PKIB: variants seen among roughly 807,000 people sequenced by gnomAD.
PKIB encodes the protein PKI-beta.
Under a neutral mutation model 4.5 loss-of-function variants are expected in PKIB, and 2 were observed. The observed-to-expected ratio is 0.44, with a 90% CI of 0.18 to 1.39. PKIB has a LOEUF of 1.39. Among genes scored for constraint, PKIB ranks in the 40% most tolerant of loss-of-function variants. The pLI is 0.27. For missense variants in PKIB, 94 were observed against 92.6 expected, an observed-to-expected ratio of 1.02 and a Z score of -0.06; for synonymous variants, 38 against 36.0, an observed-to-expected ratio of 1.06 and a Z score of -0.20.
chr6:122,662,308 C>CTTTATTTTTTTTTTT (rs1777030847), intron 2 of PKIB, among the ~76,000 whole-genome samples: 1 of 13,252 alleles, frequency 7.5e-5, no homozygotes, highest in Non-Finnish European at 1.5e-4. Flanking sequence ...TCCTTGTCTC[C>CTTTATTTTTTTTTTT]TTTTTTTTTT....
chr6:122,651,088 T>C (rs1214447677), intron 2 of PKIB, among the ~76,000 whole-genome samples: 3 of 152,132 alleles, frequency 2.0e-5, no homozygotes, highest in Non-Finnish European at 4.4e-5. Flanking sequence ...ACAAGCCAAA[T>C]AGACGAGTGA....
At chr6:122,548,555 T>C (rs1483886694) in intron 2 of PKIB, among the ~76,000 whole-genome samples, 1 of 152,214 alleles carries the variant, frequency 6.6e-6, no homozygotes, top group Non-Finnish European at 1.5e-5. Context: ...AGATCACATG[T>C]AGATATTATT....
intron 4 of PKIB, among the ~76,000 whole-genome samples, chr6:122,721,501 G>T (rs1007549807): frequency 3.3e-5 from 5 of 152,046 alleles, no homozygotes; most frequent in African/African-American, 1.2e-4. Context: ...TCTAAAAATA[G>T]AACATACAAC....
chr6:122,723,990 T>C lies in PKIB; in HGVS notation c.170-1138T>C, dbSNP rs1340156771. On this transcript the variant is annotated intron_variant, in intron 4 of 4. Coordinates refer to ENST00000368452, the MANE Select transcript of PKIB (RefSeq NM_181795.3). ...TTGTACGTAGTACATGCTTAATAAA[T>C]ATTTGATGAATGAGAGTTGAAGAAC... Among the ~76,000 whole-genome samples, 5 of 152,236 alleles carry C rather than the reference T, an allele frequency of 3.3e-5. No homozygotes were observed. The South Asian group carries it at 1.0e-3, about 31-fold the overall frequency.
intron 1 of PKIB, among the ~76,000 whole-genome samples, chr6:122,630,779 G>C (rs1775664565): frequency 6.6e-6 from 1 of 152,088 alleles, no homozygotes; most frequent in South Asian, 2.1e-4. Flanking sequence ...TTTCTTTTCA[G>C]TTTATGATCC....
intron 2 of PKIB, among the ~76,000 whole-genome samples, chr6:122,500,980 T>G (rs1050077294): frequency 2.0e-5 from 3 of 152,080 alleles, no homozygotes; most frequent in African/African-American, 7.2e-5. Context: ...AGAGGAAGTC[T>G]GCCCCCATGA....
At chr6:122,623,441 T>A (rs1775315780) in intron 1 of PKIB, among the ~76,000 whole-genome samples, 2 of 152,204 alleles carry the variant, frequency 1.3e-5, no homozygotes, top group Admixed American at 1.3e-4. Context: ...AAGGCTAAAA[T>A]GTGGAGTAGA....
At chr6:122,660,294 A>C (rs1776933699) in intron 2 of PKIB, among the ~76,000 whole-genome samples, 1 of 152,238 alleles carries the variant, frequency 6.6e-6, no homozygotes, top group Non-Finnish European at 1.5e-5. Flanking sequence ...TGGAAGAAAC[A>C]CTAGGCTGAA....
chr6:122,562,140 G>T (rs368728145), intron 2 of PKIB, among the ~76,000 whole-genome samples: 2 of 31,480 alleles, frequency 6.4e-5, no homozygotes, highest in African/African-American at 1.0e-4. Flanking sequence ...AGTTCTTGTC[G>T]TGGTGGCTTG....
intron 2 of PKIB, among the ~76,000 whole-genome samples, chr6:122,539,393 C>G (rs1272642962): frequency 4.6e-5 from 7 of 151,934 alleles, no homozygotes; most frequent in African/African-American, 1.7e-4. Flanking sequence ...TAGCATGAAG[C>G]ATTGTTGCAT....
intron 3 of PKIB, among the ~76,000 whole-genome samples, chr6:122,692,467 C>T (rs1398033999): frequency 1.3e-5 from 2 of 152,222 alleles, no homozygotes; most frequent in Admixed American, 1.3e-4. Flanking sequence ...TCTGTGGCCA[C>T]CACCACAGCC....
At chr6:122,560,288 T>C (rs1772975910) in intron 2 of PKIB, among the ~76,000 whole-genome samples, 1 of 152,038 alleles carries the variant, frequency 6.6e-6, no homozygotes, top group Non-Finnish European at 1.5e-5. Context: ...TTTTTTTGCA[T>C]CTATTGAGAT....
intron 2 of PKIB, among the ~76,000 whole-genome samples, chr6:122,524,362 T>C (rs1053423469): frequency 6.7e-6 from 1 of 150,320 alleles, no homozygotes; most frequent in African/African-American, 2.4e-5. Context: ...CTCCTCCTCC[T>C]CTTTTTCTTC....
chr6:122,663,031 A>T (rs558496332), intron 2 of PKIB, among the ~76,000 whole-genome samples: 193 of 152,260 alleles, frequency 1.3e-3, no homozygotes, highest in African/African-American at 4.5e-3. Context: ...CTTCATGGAA[A>T]TTGGACTCTG....
rs1051969108 is a variant in PKIB, at chr6:122,479,894, A to G, written c.-248+1955A>G. 4 of 152,328 alleles carry G rather than the reference A, an allele frequency of 2.6e-5. No homozygotes were observed. The South Asian group carries it at 6.2e-4, about 24-fold the overall frequency. 9.4% of individuals were successfully genotyped at this position (152,328 alleles called of 1,614,324 possible). ...ATTGACTGTAAGAGCTTCCCATGGC[A>G]TGAATAAACAGTGAAAAGGTCCAAC... On this transcript the variant is annotated intron_variant, in intron 2 of 6. Coordinates refer to the PKIB transcript ENST00000392491.
chr6:122,499,200 T>G (rs1776155227), intron 2 of PKIB, among the ~76,000 whole-genome samples: 1 of 152,158 alleles, frequency 6.6e-6, no homozygotes, highest in Non-Finnish European at 1.5e-5. Context: ...GGGACTCTTC[T>G]CTAACACATT....
At chr6:122,548,008 G>A (rs914622232) in intron 2 of PKIB, among the ~76,000 whole-genome samples, 8 of 152,052 alleles carry the variant, frequency 5.3e-5, no homozygotes, top group South Asian at 2.1e-4. Flanking sequence ...GGATACACAG[G>A]TTATACACAT....
intron 2 of PKIB, among the ~76,000 whole-genome samples, chr6:122,522,945 T>C (rs1209084793): frequency 6.6e-6 from 1 of 152,192 alleles, no homozygotes; most frequent in Non-Finnish European, 1.5e-5. Context: ...ATTTAATAAT[T>C]TACTTTTTCC....
chr6:122,617,808 A>T (rs761605198), intron 1 of PKIB, among the ~76,000 whole-genome samples: 3 of 152,272 alleles, frequency 2.0e-5, no homozygotes, highest in South Asian at 2.1e-4. Context: ...TTACTTTATT[A>T]AGTACATCAA....
Sources: allele counts gnomAD v4.1 joint callset (sites outside exome capture counted in the v4.1 genomes callset), GRCh38; gene constraint gnomAD v4.1.1; transcripts MANE v1.5; gene names NCBI Gene and HGNC (gene_info 2026-07-23, HGNC 2026-07-21).